Variants in APP observed in about 807,000 individuals in gnomAD.
APP encodes amyloid beta precursor protein, also known as amyloid-beta precursor protein.
Under a neutral mutation model 101.4 loss-of-function variants are expected in APP, and 31 were observed. The ratio of observed to expected loss-of-function variants is 0.31; its 90% CI spans 0.23 to 0.41. The LOEUF (loss-of-function observed/expected upper bound fraction) is 0.41, where lower values mean the gene tolerates loss of function less well. Ranked by LOEUF, APP falls within the 10% of genes least tolerant of loss-of-function variation. The probability of loss-of-function intolerance (pLI) is 1.00; values close to 1 mark genes in which losing one functional copy is unlikely to be tolerated. For synonymous variants in APP, 366 were observed against 364.4 expected (o/e 1.00, Z -0.05); for missense variants, 839 against 1,003.7 (o/e 0.84, Z 2.22).
intron 3 of APP, among the ~76,000 whole-genome samples, chr21:26,072,081 G>A (rs1030156118): frequency 7.2e-5 from 11 of 152,276 alleles, no homozygotes; most frequent in Admixed American, 2.0e-4. Context: ...TATTTTTAAC[G>A]TCATCTAGAG....
intron 1 of APP, among the ~76,000 whole-genome samples, chr21:26,113,835 A>G (rs1321724844): frequency 6.6e-6 from 1 of 152,214 alleles, no homozygotes; most frequent in Non-Finnish European, 1.5e-5. Flanking sequence ...TCGAAATGCA[A>G]ATGTTGTCAA....
intron 15 of APP, among the ~76,000 whole-genome samples, chr21:25,901,402 A>AG (rs2038477134): frequency 6.6e-6 from 1 of 151,928 alleles, no homozygotes; most frequent in Non-Finnish European, 1.5e-5. Context: ...GTGGTCCAAA[A>AG]AAAAAAATTC....
At chr21:26,135,316 G>A (rs2062872831) in intron 1 of APP, among the ~76,000 whole-genome samples, 1 of 152,152 alleles carries the variant, frequency 6.6e-6, no homozygotes, top group African/African-American at 2.4e-5. Context: ...AAAGGGTATG[G>A]GGGTTGAAAA....
intron 15 of APP, 118 bp from the exon 16 acceptor site, chr21:25,897,791 T>C (rs2038177886): frequency 5.0e-6 from 4 of 803,410 alleles, no homozygotes; most frequent in East Asian, 2.5e-5. Flanking sequence ...TAGAAGAAAA[T>C]TGATAAATGA....
At chr21:26,017,131 C>T (rs1391517894) in intron 6 of APP, among the ~76,000 whole-genome samples, 2 of 140,010 alleles carry the variant, frequency 1.4e-5, no homozygotes, top group Non-Finnish European at 1.5e-5. Flanking sequence ...CCCGGGAGGC[C>T]GAGCTTGCAG....
intron 3 of APP, among the ~76,000 whole-genome samples, chr21:26,074,482 G>A (rs369075273): frequency 3.9e-5 from 6 of 152,342 alleles, no homozygotes; most frequent in East Asian, 3.9e-4. Flanking sequence ...AAGGCCAGGC[G>A]TGGTGGCTCA....
At position 26,068,570 on chromosome 21, in the gene APP, G is replaced by A. The variant is rs574012090; in HGVS notation, c.356-15222C>T. Among the ~76,000 whole-genome samples, 15 of 151,876 alleles carry A rather than the reference G, an allele frequency of 9.9e-5. No individual in the cohort carries two copies. The East Asian group carries it at 2.3e-3, about 24-fold the overall frequency. ...TTTGTAGAGACAGGGGTCTCGCCACGTTGCCCAAGCTGATCTCAAACTCCT... is the reference window on the plus strand; with the variant it reads ...TTTGTAGAGACAGGGGTCTCGCCACATTGCCCAAGCTGATCTCAAACTCCT... On this transcript the variant is annotated intron_variant, in intron 3 of 17. Transcript: ENST00000346798.
At chr21:25,992,729 T>C (rs1298971083) in intron 8 of APP, among the ~76,000 whole-genome samples, 1 of 152,364 alleles carries the variant, frequency 6.6e-6, no homozygotes, top group East Asian at 1.9e-4. Flanking sequence ...TGATAGAATA[T>C]ACTGGCACTG....
intron 9 of APP, among the ~76,000 whole-genome samples, chr21:25,977,035 T>C (rs2042249777): frequency 6.6e-6 from 1 of 152,226 alleles, no homozygotes. Context: ...TTTAAACTTC[T>C]TTTTCTTTAC....
intron 3 of APP, among the ~76,000 whole-genome samples, chr21:26,081,203 A>C (rs13052965): frequency 0.037 from 5,571 of 152,262 alleles, 149 homozygotes; most frequent in Admixed American, 0.075. Flanking sequence ...TAATAGAAAA[A>C]CAGTTGTTTC....
At chr21:26,050,199 A>C (rs1196547029) in intron 5 of APP, among the ~76,000 whole-genome samples, 8 of 152,188 alleles carry the variant, frequency 5.3e-5, no homozygotes, top group Non-Finnish European at 8.8e-5. Context: ...TACAACTCCT[A>C]TTGAATGTGC....
chr21:25,968,043 A>T (rs1330535487), intron 11 of APP, among the ~76,000 whole-genome samples: 1 of 152,264 alleles, frequency 6.6e-6, no homozygotes, highest in African/African-American at 2.4e-5. Context: ...AGCCTTCAAC[A>T]GAGTAAGAGT....
chr21:26,087,820 T>C (rs1161821485), intron 3 of APP, among the ~76,000 whole-genome samples: 1 of 152,202 alleles, frequency 6.6e-6, no homozygotes, highest in Admixed American at 6.5e-5. Flanking sequence ...CCACATTACT[T>C]AGGCTGTTGT....
chr21:26,002,996 G>A (rs1190682547), intron 6 of APP, among the ~76,000 whole-genome samples: 1 of 152,150 alleles, frequency 6.6e-6, no homozygotes, highest in Non-Finnish European at 1.5e-5. Context: ...GCCCTTATGT[G>A]AAACCTAGCA....
At chr21:25,888,465 G>A (rs1307767135) in intron 17 of APP, among the ~76,000 whole-genome samples, 3 of 152,172 alleles carry the variant, frequency 2.0e-5, no homozygotes, top group Non-Finnish European at 4.4e-5. Context: ...TTGCTGTACA[G>A]ACACACTATG....
intron 5 of APP, among the ~76,000 whole-genome samples, chr21:26,049,393 G>A (rs1431717998): frequency 1.3e-5 from 2 of 152,152 alleles, no homozygotes; most frequent in African/African-American, 4.8e-5. Flanking sequence ...AATTCACAAT[G>A]GATGACGGTG....
At chr21:26,086,393 G>A (rs2061704235) in intron 3 of APP, among the ~76,000 whole-genome samples, 1 of 152,174 alleles carries the variant, frequency 6.6e-6, no homozygotes, top group South Asian at 2.1e-4. Context: ...TATGTCCGAG[G>A]CAAAATATTA....
chr21:25,963,331 C>A (rs148575841), intron 11 of APP, among the ~76,000 whole-genome samples: 102 of 152,258 alleles, frequency 6.7e-4, no homozygotes, highest in African/African-American at 2.3e-3. Flanking sequence ...GTCCTATTGT[C>A]CCACTCCACA....
At chr21:25,899,022 GT>G in intron 15 of APP, among the ~76,000 whole-genome samples, 1 of 152,318 alleles carries the variant, frequency 6.6e-6, no homozygotes. Flanking sequence ...ATCCACGCTG[GT>G]TGTGACCTAG....
Sources: gnomAD v4.1 joint callset for allele counts (sites outside exome capture counted in the v4.1 genomes callset) on GRCh38, gnomAD v4.1.1 for gene constraint, MANE v1.5 for transcripts, NCBI Gene and HGNC (gene_info 2026-07-23, HGNC 2026-07-21) for gene names.